ACOT12: variants seen among roughly 807,000 people sequenced by gnomAD.
ACOT12 encodes the protein acetyl-coenzyme A thioesterase.
In ACOT12, 51 loss-of-function variants were observed where a neutral mutation model predicts 67.7. The ratio of observed to expected loss-of-function variants is 0.75; its 90% CI spans 0.60 to 0.95. The LOEUF (loss-of-function observed/expected upper bound fraction) is 0.95. Among genes scored for constraint, ACOT12 ranks in the 40% least tolerant of loss-of-function variants. The pLI is 0.00. For missense variants in ACOT12, 734 were observed against 708.1 expected (o/e 1.04, Z -0.41); for synonymous variants, 251 against 244.6 (o/e 1.03, Z -0.24).
intron 2 of ACOT12, among the ~76,000 whole-genome samples, chr5:81,372,655 G>A (rs1215342774): frequency 6.6e-6 from 1 of 152,236 alleles, no homozygotes; most frequent in East Asian, 1.9e-4. Context: ...AATGCTCAAA[G>A]CTTCTCCTTT....
intron 4 of ACOT12, among the ~76,000 whole-genome samples, chr5:81,362,728 C>G (rs1168759524): frequency 6.6e-6 from 1 of 152,164 alleles, no homozygotes; most frequent in Non-Finnish European, 1.5e-5. Flanking sequence ...TTAGTGAACA[C>G]AGGCTCCGTG....
At chr5:81,366,005 T>G (rs1458159403) in intron 3 of ACOT12, among the ~76,000 whole-genome samples, 1 of 152,206 alleles carries the variant, frequency 6.6e-6, no homozygotes, top group Non-Finnish European at 1.5e-5. Flanking sequence ...CCTGGGAAAC[T>G]GTAACATGGA....
the ACOT12 span, among the ~76,000 whole-genome samples, chr5:81,323,864 A>ATATG: frequency 4.1e-5 from 6 of 146,270 alleles, no homozygotes; most frequent in Non-Finnish European, 6.0e-5. Flanking sequence ...GTATATGCAT[A>ATATG]TGTATATATG....
chr5:81,330,212 A>G lies in ACOT12; in HGVS notation c.*182T>C. 1.6e-6 allele frequency: 1 copy of G among 615,066 alleles called. No homozygotes were observed. Among genetic ancestry groups the G allele is most frequent in the Non-Finnish European group, 2.6e-6 (1 of 381,092 alleles). The allele number at this position is 615,066 out of a possible 1,614,324, so 38.1% of individuals were successfully genotyped here. A position where few individuals can be genotyped will look rare whatever the true frequency, so the allele number is the denominator to read the frequency against. ...TACAACAGAATTCTAAAGCTCTTTT[A>G]ATGCTAATCCAAATCACTGGTATTT... On this transcript the variant is annotated 3_prime_UTR_variant, in exon 15 of 15. Coordinates refer to ENST00000307624, the MANE Select transcript of ACOT12 (RefSeq NM_130767.3).
intron 5 of ACOT12, among the ~76,000 whole-genome samples, chr5:81,350,723 A>G (rs1759526825): frequency 6.6e-6 from 1 of 152,190 alleles, no homozygotes; most frequent in African/African-American, 2.4e-5. Flanking sequence ...TGAGGATCCA[A>G]ATCTTCATGA....
intron 3 of ACOT12, among the ~76,000 whole-genome samples, chr5:81,368,988 C>T (rs1054873999): frequency 6.6e-6 from 1 of 151,864 alleles, no homozygotes. Flanking sequence ...TGCAAAGGGG[C>T]ATAAAGGGGC....
At chr5:81,310,157 T>TAAAAAAAAAAAAAAAAAAAAAAAAAAA in the ACOT12 span, among the ~76,000 whole-genome samples, 5 of 104,758 alleles carry the variant, frequency 4.8e-5, no homozygotes, top group East Asian at 3.1e-4. Context: ...TGACTAGCTG[T>TAAAAAAAAAAAAAAAAAAAAAAAAAAA]AAAAAAAAAA....
At chr5:81,381,948 CATAA>C (rs1760595200) in intron 2 of ACOT12, among the ~76,000 whole-genome samples, 1 of 152,246 alleles carries the variant, frequency 6.6e-6, no homozygotes, top group African/African-American at 2.4e-5. Context: ...AAAGAAACTG[CATAA>C]ATAATCTTAA....
chr5:81,309,102 C>T, the ACOT12 span: 2 of 1,173,100 alleles, frequency 1.7e-6, no homozygotes, highest in Non-Finnish European at 2.4e-6. Context: ...ATTTAATTTA[C>T]ACTCAATCAC....
the ACOT12 span, among the ~76,000 whole-genome samples, chr5:81,310,157 T>TAAAAAAAAAAAAAAAAAAAAAAAA: frequency 1.0e-4 from 11 of 104,772 alleles, no homozygotes; most frequent in African/African-American, 3.6e-4. Flanking sequence ...TGACTAGCTG[T>TAAAAAAAAAAAAAAAAAAAAAAAA]AAAAAAAAAA....
intron 1 of ACOT12, among the ~76,000 whole-genome samples, chr5:81,386,282 C>T (rs372909562): frequency 6.6e-6 from 1 of 152,128 alleles, no homozygotes; most frequent in African/African-American, 2.4e-5. Flanking sequence ...TGGGAAACCC[C>T]GAGTCATCCC....
At chr5:81,368,535 A>G (rs912273387) in intron 3 of ACOT12, among the ~76,000 whole-genome samples, 4 of 152,180 alleles carry the variant, frequency 2.6e-5, no homozygotes, top group African/African-American at 7.2e-5. Context: ...AATCAAAAAC[A>G]TAAAGATGTA....
intron 5 of ACOT12, among the ~76,000 whole-genome samples, chr5:81,355,769 G>A (rs754276056): frequency 7.2e-5 from 11 of 152,206 alleles, no homozygotes; most frequent in Non-Finnish European, 1.6e-4. Flanking sequence ...GCCGATGGAT[G>A]CCTCCTGCTT....
At chr5:81,326,077 G>T (rs1368352029), downstream of ACOT12, among the ~76,000 whole-genome samples, 1 of 148,812 alleles carries the variant, frequency 6.7e-6, no homozygotes, top group African/African-American at 2.5e-5. Context: ...AAAGTGCTGG[G>T]ATTATAGGCA....
At position 81,344,345 on chromosome 5, in the gene ACOT12, A is replaced by G. The variant is rs1759304849; in HGVS notation, c.925-130T>C. ...ACTGAGATGTGGTGTCTCTCCATGA[A>G]CTGACTTCATCAAGTCAGAGTCTCT... On this transcript the variant is annotated intron_variant, in intron 8 of 14. Transcript: ENST00000307624. 5 of 860,228 alleles carry G rather than the reference A, an allele frequency of 5.8e-6. No individual in the cohort carries two copies. In the South Asian group the frequency reaches 1.0e-4, roughly 18 times the overall value. The allele number at this position is 860,228 out of a possible 1,614,324, so 53.3% of individuals were successfully genotyped here.
intron 11 of ACOT12, among the ~76,000 whole-genome samples, chr5:81,339,042 T>C (rs1458033405): frequency 1.3e-5 from 2 of 152,196 alleles, no homozygotes; most frequent in Admixed American, 1.3e-4. Context: ...ATCACACCAC[T>C]GCACTCCAAC....
At chr5:81,380,234 T>C (rs1760537606) in intron 2 of ACOT12, among the ~76,000 whole-genome samples, 1 of 152,076 alleles carries the variant, frequency 6.6e-6, no homozygotes, top group Admixed American at 6.6e-5. Context: ...GACATATGCA[T>C]TTACCCTTTG....
chr5:81,335,308 A>C (rs913794050), intron 12 of ACOT12, among the ~76,000 whole-genome samples: 2 of 152,172 alleles, frequency 1.3e-5, no homozygotes, highest in Admixed American at 1.3e-4. Flanking sequence ...AAGTGAGTAT[A>C]ATTTTTGTTT....
chr5:81,343,615 T>C (rs1321631893), intron 10 of ACOT12, among the ~76,000 whole-genome samples: 1 of 152,230 alleles, frequency 6.6e-6, no homozygotes, highest in Non-Finnish European at 1.5e-5. Flanking sequence ...TTGGGAACTG[T>C]AAGAAGTCAA....
Sources: gnomAD v4.1 joint callset for allele counts (sites outside exome capture counted in the v4.1 genomes callset) on GRCh38, gnomAD v4.1.1 for gene constraint, MANE v1.5 for transcripts, NCBI Gene and HGNC (gene_info 2026-07-23, HGNC 2026-07-21) for gene names.